Variants in PPM1B observed in about 807,000 individuals in gnomAD.
PPM1B encodes protein phosphatase 1B.
Under a neutral mutation model 43.0 loss-of-function variants are expected in PPM1B, and 22 were observed. That is an observed-to-expected ratio of 0.51 (90% CI 0.37 to 0.73). The LOEUF (loss-of-function observed/expected upper bound fraction) is 0.73, where lower values mean the gene tolerates loss of function less well. Among genes scored for constraint, PPM1B ranks in the 30% least tolerant of loss-of-function variants. PPM1B has a pLI of 0.00. For missense variants in PPM1B, 632 were observed against 584.2 expected (o/e 1.08, Z -0.84); for synonymous variants, 217 against 197.9 (o/e 1.10, Z -0.81).
At chr2:44,227,617 C>G (rs949377333) in intron 5 of PPM1B, among the ~76,000 whole-genome samples, 8 of 150,620 alleles carry the variant, frequency 5.3e-5, no homozygotes, top group African/African-American at 2.0e-4. Context: ...CTCCTGAGTT[C>G]AAGCAATTCT....
intron 1 of PPM1B, among the ~76,000 whole-genome samples, chr2:44,175,961 C>T (rs552115385): frequency 1.3e-4 from 19 of 151,878 alleles, no homozygotes; most frequent in African/African-American, 4.3e-4. Context: ...AATTTTTGTA[C>T]TTTTAGTAGA....
At chr2:44,216,139 C>T (rs918189943) in intron 3 of PPM1B, among the ~76,000 whole-genome samples, 3 of 152,070 alleles carry the variant, frequency 2.0e-5, no homozygotes, top group Admixed American at 6.5e-5. Flanking sequence ...CTCTTAGTTG[C>T]TGTATGGAGA....
At chr2:44,221,078 A>G (rs1669958705) in intron 5 of PPM1B, among the ~76,000 whole-genome samples, 1 of 152,240 alleles carries the variant, frequency 6.6e-6, no homozygotes, top group Admixed American at 6.5e-5. Context: ...ATTCAAAAAA[A>G]TATCTGTGGT....
chr2:44,195,370 A>C (rs921697009), intron 1 of PPM1B, among the ~76,000 whole-genome samples: 1 of 152,016 alleles, frequency 6.6e-6, no homozygotes, highest in Admixed American at 6.6e-5. Context: ...TGCTAGGCTA[A>C]TATTTTTCCC....
chr2:44,170,623 A>G (rs2103979953), intron 1 of PPM1B, among the ~76,000 whole-genome samples: 1 of 152,320 alleles, frequency 6.6e-6, no homozygotes, highest in Non-Finnish European at 1.5e-5. Context: ...CTGAATGTTA[A>G]TAGATGTTAT....
At chr2:44,229,953 A>C in intron 5 of PPM1B, 1 of 1,483,728 alleles carries the variant, frequency 6.7e-7, no homozygotes, top group Non-Finnish European at 9.1e-7. Flanking sequence ...ATCTGTTTAA[A>C]TCTATATAGT....
At chr2:44,223,927 T>A (rs1670096330) in intron 5 of PPM1B, among the ~76,000 whole-genome samples, 1 of 151,724 alleles carries the variant, frequency 6.6e-6, no homozygotes, top group South Asian at 2.1e-4. Context: ...TGCTATGTGG[T>A]CTTGACCATT....
chr2:44,171,010 G>A (rs1243073545), intron 1 of PPM1B, among the ~76,000 whole-genome samples: 1 of 151,962 alleles, frequency 6.6e-6, no homozygotes, highest in Non-Finnish European at 1.5e-5. Context: ...CTCTCATGAA[G>A]TCTTACAACA....
At position 44,218,005 on chromosome 2, in the gene PPM1B, C is replaced by A. The variant is rs900765195; in HGVS notation, c.1003C>A (p.Leu335Ile). ...EKSGEEGMPDLAHVMRILSAE... is the reference protein window; with the variant it reads ...EKSGEEGMPDIAHVMRILSAE... ...GTCTGGCGAGGAAGGAATGCCTGATCTTGCCCATGTCATGCGCATCTTGTC... is the reference window on the plus strand; with the variant it reads ...GTCTGGCGAGGAAGGAATGCCTGATATTGCCCATGTCATGCGCATCTTGTC... Residue 335 changes from leucine to isoleucine, a missense_variant, in exon 4 of 6, where the codon CTT becomes ATT. By Grantham distance (5) the Leu-to-Ile change is conservative (BLOSUM62 2). This residue lies in a region of PPM1B where 392 missense variants were observed against 302.7 expected (regional missense o/e 1.29). Transcript: ENST00000282412. The A allele has an allele frequency of 6.2e-7, 1 of 1,609,010 alleles. No homozygotes were observed. Among genetic ancestry groups the A allele is most frequent in the African/African-American group, 1.3e-5 (1 of 74,708 alleles).
chr2:44,178,295 AT>A (rs1294483032), intron 1 of PPM1B, among the ~76,000 whole-genome samples: 1 of 151,804 alleles, frequency 6.6e-6, no homozygotes, highest in Non-Finnish European at 1.5e-5. Flanking sequence ...GTCTAAAACC[AT>A]TTACATGCCA....
At chr2:44,175,710 T>C (rs1667550921) in intron 1 of PPM1B, among the ~76,000 whole-genome samples, 2 of 152,016 alleles carry the variant, frequency 1.3e-5, no homozygotes, top group Non-Finnish European at 2.9e-5. Flanking sequence ...AGGTTTTCTG[T>C]AATTGGATAA....
intron 1 of PPM1B, among the ~76,000 whole-genome samples, chr2:44,193,256 C>T (rs916442825): frequency 6.6e-6 from 1 of 152,202 alleles, no homozygotes; most frequent in African/African-American, 2.4e-5. Context: ...GCCATTCTGA[C>T]AGGTGTGAGA....
chr2:44,209,114 T>C lies in PPM1B; in HGVS notation c.847-96T>C, dbSNP rs935640776. 6 of 1,101,332 alleles carry C rather than the reference T, an allele frequency of 5.4e-6. No individual in the cohort carries two copies. In the African/African-American group the frequency reaches 8.0e-5, roughly 15 times the overall value. The allele number at this position is 1,101,332 out of a possible 1,614,324, so 68.2% of individuals were successfully genotyped here. A position where few individuals can be genotyped will look rare whatever the true frequency, so the allele number is the denominator to read the frequency against. ...ATGTGTTAAACATAAACGTTCTGGATGATTAAATAAACTATAATTGCTTAA... is the reference window on the plus strand; with the variant it reads ...ATGTGTTAAACATAAACGTTCTGGACGATTAAATAAACTATAATTGCTTAA... On this transcript the variant is annotated intron_variant, in intron 2 of 5. Transcript: ENST00000282412.
Position 44,195,364 on chromosome 2 carries a change from A to C in PPM1B, c.-14-5822A>C, listed in dbSNP as rs535121250. Among the ~76,000 whole-genome samples, 439 of 152,070 alleles carry C rather than the reference A, an allele frequency of 2.9e-3. 1 individual carries two copies. The Middle Eastern group carries it at 0.031, about 11-fold the overall frequency. On this transcript the variant is annotated intron_variant, in intron 1 of 5. Transcript: ENST00000282412. ...TGCTGCAGGCATACGCCACCATGCT[A>C]GGCTAATATTTTTCCCCAATTTTTT...
chr2:44,187,911 C>T (rs181406376), intron 1 of PPM1B, among the ~76,000 whole-genome samples: 8 of 152,164 alleles, frequency 5.3e-5, no homozygotes, highest in East Asian at 1.9e-4. Context: ...CCACCATGCC[C>T]GGCTAACTTT....
In PPM1B at chr2:44,188,743, CTTCCTTCCTTCCTTCCTTCT is replaced by C. The variant is rs1399735033; in HGVS notation, c.-14-12423_-14-12404del. Among the ~76,000 whole-genome samples, 370 of 145,110 alleles carry C rather than the reference CTTCCTTCCTTCCTTCCTTCT, an allele frequency of 2.5e-3. 1 individual carries two copies. Among genetic ancestry groups the C allele is most frequent in the African/African-American group, 8.8e-3 (351 of 39,734 alleles). On this transcript the variant is annotated intron_variant, in intron 1 of 5. Transcript: ENST00000282412. ...CCTTCCTTCCTTCCTTCCTTCTTTC[CTTCCTTCCTTCCTTCCTTCT>C]TTCCTTCCTTCCTTCCTTCCCTCCT...
chr2:44,172,184 C>A (rs902425260), intron 1 of PPM1B, among the ~76,000 whole-genome samples: 2 of 152,110 alleles, frequency 1.3e-5, no homozygotes, highest in Non-Finnish European at 2.9e-5. Flanking sequence ...TTCAGTTATT[C>A]TTCACACTGT....
At chr2:44,198,071 T>G (rs1283327790) in intron 1 of PPM1B, among the ~76,000 whole-genome samples, 3 of 152,184 alleles carry the variant, frequency 2.0e-5, no homozygotes, top group Admixed American at 2.0e-4. Flanking sequence ...CTTGCCAATG[T>G]CCATGTGCCC....
At chr2:44,224,456 A>C (rs1443205942) in intron 5 of PPM1B, among the ~76,000 whole-genome samples, 1 of 4,344 alleles carries the variant, frequency 2.3e-4, no homozygotes, top group Non-Finnish European at 7.1e-4. Flanking sequence ...CTCCGTCTCC[A>C]AAAAAAAAAA....
Sources: gnomAD v4.1 joint callset for allele counts (sites outside exome capture counted in the v4.1 genomes callset) on GRCh38, gnomAD v4.1.1 for gene constraint, gnomAD v4.1.1 regional missense constraint, MANE v1.5 for transcripts, NCBI Gene and HGNC (gene_info 2026-07-23, HGNC 2026-07-21) for gene names.